The following TTC23L variants were observed in gnomAD, a reference collection of about 807,000 sequenced individuals.
The protein encoded by TTC23L is tetratricopeptide repeat protein 23-like.
TTC23L carries 42 observed loss-of-function variants against 48.1 expected under a neutral mutation model. That is an observed-to-expected ratio of 0.87 (90% CI 0.68 to 1.13). The LOEUF (loss-of-function observed/expected upper bound fraction) is 1.13. Ranked by LOEUF, TTC23L falls within the 50% of genes most tolerant of loss-of-function variation. TTC23L has a pLI of 0.00. For missense variants in TTC23L, 391 were observed against 421.0 expected (o/e 0.93, Z 0.62); for synonymous variants, 159 against 157.2 (o/e 1.01, Z -0.09).
chr5:34,900,353 G>T (rs546751700), downstream of TTC23L, among the ~76,000 whole-genome samples: 23 of 152,084 alleles, frequency 1.5e-4, no homozygotes, highest in African/African-American at 5.5e-4. Context: ...AATGATAAGG[G>T]GCCAAGTGTG....
At chr5:34,914,221 A>C in the TTC23L span, among the ~76,000 whole-genome samples, 1 of 152,226 alleles carries the variant, frequency 6.6e-6, no homozygotes, top group African/African-American at 2.4e-5. Flanking sequence ...ATCGCAGTGG[A>C]AAAAAGAGCA....
intron 4 of TTC23L, among the ~76,000 whole-genome samples, chr5:34,855,052 A>G (rs1180699602): frequency 6.6e-6 from 1 of 152,152 alleles, no homozygotes; most frequent in Non-Finnish European, 1.5e-5. Context: ...ATGAAGAGGA[A>G]GGTGTGGGCC....
chr5:34,857,025 T>G (rs2150378019), intron 4 of TTC23L, among the ~76,000 whole-genome samples: 1 of 152,292 alleles, frequency 6.6e-6, no homozygotes, highest in Non-Finnish European at 1.5e-5. Context: ...TTAAAGATGT[T>G]TTTAATGGAG....
chr5:34,915,885 C>T, the TTC23L span: 1 of 1,555,672 alleles, frequency 6.4e-7, no homozygotes, highest in Non-Finnish European at 8.7e-7. Flanking sequence ...GGATCCCAGG[C>T]CCCGTTTGCA....
intron 9 of TTC23L, among the ~76,000 whole-genome samples, chr5:34,884,373 T>C (rs1337265314): frequency 1.3e-5 from 2 of 152,210 alleles, no homozygotes; most frequent in Non-Finnish European, 2.9e-5. Flanking sequence ...ATGCCCACTT[T>C]TGCCACCTCT....
At chr5:34,916,819 C>T in the TTC23L span, 1 of 152,120 alleles carries the variant, frequency 6.6e-6, no homozygotes, top group Non-Finnish European at 1.5e-5. Flanking sequence ...AATTCTAGCC[C>T]CGTTATTAAC....
chr5:34,861,325 T>G (rs1211775818), intron 4 of TTC23L: 1 of 165,808 alleles, frequency 6.0e-6, no homozygotes, highest in Non-Finnish European at 1.3e-5. Flanking sequence ...ACCTTTATAG[T>G]GTCCTTGCAC....
At chr5:34,915,982 T>A in the TTC23L span, 1 of 1,422,050 alleles carries the variant, frequency 7.0e-7, no homozygotes, top group Non-Finnish European at 9.3e-7. Flanking sequence ...ACAGCCTTGC[T>A]TAATTTCAGA....
At chr5:34,898,351 CT>C (rs1763357372) in intron 10 of TTC23L, among the ~76,000 whole-genome samples, 1 of 152,108 alleles carries the variant, frequency 6.6e-6, no homozygotes, top group African/African-American at 2.4e-5. Context: ...TCTGGAAACA[CT>C]GTTAGTCTCA....
At chr5:34,854,127 T>C (rs959334693) in intron 4 of TTC23L, among the ~76,000 whole-genome samples, 6 of 152,242 alleles carry the variant, frequency 3.9e-5, no homozygotes, top group Admixed American at 3.9e-4. Context: ...CCACAAAACA[T>C]GGTGATAAAT....
At chr5:34,850,308 G>C (rs1177674387) in exon 4 of TTC23L, 1 of 1,613,404 alleles carries the variant, frequency 6.2e-7, no homozygotes, top group Non-Finnish European at 8.5e-7. Flanking sequence ...GACACTGAGA[G>C]GTACTTGGTT....
chr5:34,862,936 A>G lies in TTC23L; in HGVS notation c.418A>G (p.Lys140Glu), dbSNP rs781045694. The G allele has an allele frequency of 4.3e-6, 7 of 1,613,888 alleles. No individual in the cohort carries two copies. The African/African-American group carries it at 8.0e-5, about 18-fold the overall frequency. The change falls in exon 5 of 11, where the codon AAG becomes GAG. Residue 140 changes from lysine (K) to glutamate (E), a missense_variant. Physicochemically the swap from Lys to Glu is moderately conservative, Grantham distance 56. Transcript: ENST00000505624. ...GGCCAAGAAACATGCTACATCAGCC[A>G]AGAATACACTGTTGACCTGGAAGGC...
At chr5:34,854,166 TG>T (rs1759918679) in intron 4 of TTC23L, among the ~76,000 whole-genome samples, 1 of 152,220 alleles carries the variant, frequency 6.6e-6, no homozygotes. Flanking sequence ...CAGTTTTTCC[TG>T]CTGCATGAAT....
At chr5:34,875,871 T>G (rs1761800375) in intron 8 of TTC23L, among the ~76,000 whole-genome samples, 1 of 152,160 alleles carries the variant, frequency 6.6e-6, no homozygotes, top group Admixed American at 6.6e-5. Context: ...ACATTCACCA[T>G]GATAGACCAC....
chr5:34,904,361 T>G (rs1191859955), downstream of TTC23L, among the ~76,000 whole-genome samples: 1 of 151,354 alleles, frequency 6.6e-6, no homozygotes, highest in Admixed American at 6.6e-5. Context: ...TTTGGGAGGC[T>G]GAGGCAGGAG....
the TTC23L span, chr5:34,918,478 G>C: frequency 3.2e-6 from 5 of 1,554,924 alleles, no homozygotes; most frequent in African/African-American, 6.9e-5. Flanking sequence ...TAAAGCAGGT[G>C]CCTTTATATC....
the TTC23L span, chr5:34,911,487 A>G: frequency 1.3e-6 from 2 of 1,544,368 alleles, no homozygotes; most frequent in South Asian, 1.2e-5. Flanking sequence ...TTGCATCCTA[A>G]GCAAATGTCT....
chr5:34,919,979 G>A, the TTC23L span: 2 of 559,524 alleles, frequency 3.6e-6, no homozygotes, highest in Non-Finnish European at 6.5e-6. Flanking sequence ...AAATTATTTT[G>A]TAAAAACTAT....
chr5:34,918,170 C>T, the TTC23L span: 3 of 341,422 alleles, frequency 8.8e-6, no homozygotes, highest in African/African-American at 4.4e-5. Context: ...ACTAGCTGGA[C>T]ATGGTGGCAC....
Sources: allele counts gnomAD v4.1 joint callset (sites outside exome capture counted in the v4.1 genomes callset), GRCh38; gene constraint gnomAD v4.1.1; transcripts MANE v1.5; gene names NCBI Gene and HGNC (gene_info 2026-07-23, HGNC 2026-07-21).